CWF19L2: variants seen among roughly 807,000 people sequenced by gnomAD.
CWF19L2 encodes the protein CWF19 like cell cycle control factor 2, also known as CWF19-like protein 2.
CWF19L2 carries 98 observed loss-of-function variants against 111.7 expected under a neutral mutation model. That is an observed-to-expected ratio of 0.88 (90% CI 0.75 to 1.04). The LOEUF (loss-of-function observed/expected upper bound fraction) is 1.04, where lower values mean the gene tolerates loss of function less well. CWF19L2 is among the 50% of genes least tolerant of loss of function. The pLI is 0.00. For synonymous variants in CWF19L2, 351 were observed against 342.9 expected (o/e 1.02, Z -0.26); for missense variants, 1,101 against 1,051.4 (o/e 1.05, Z -0.65).
At chr11:107,449,848 A>G (rs1013124744) in intron 3 of CWF19L2, among the ~76,000 whole-genome samples, 5 of 152,150 alleles carry the variant, frequency 3.3e-5, no homozygotes, top group Non-Finnish European at 5.9e-5. Context: ...AAACTCATCC[A>G]TATCAATTAT....
chr11:107,429,932 C>T (rs1861441219), intron 7 of CWF19L2, among the ~76,000 whole-genome samples: 1 of 151,382 alleles, frequency 6.6e-6, no homozygotes, highest in African/African-American at 2.4e-5. Context: ...ACTAAATTAA[C>T]CTGGGAATTC....
rs184773793 is a variant in CWF19L2, at chr11:107,381,714, T to C, written c.1872+8360A>G. Among the ~76,000 whole-genome samples, 9 of 152,242 alleles carry C rather than the reference T, an allele frequency of 5.9e-5. No individual in the cohort carries two copies. The East Asian group carries it at 1.5e-3, about 26-fold the overall frequency. On this transcript the variant is annotated intron_variant, in intron 12 of 17. Transcript: ENST00000282251. ...GTATATCACTTAATCTCTCAAAATC[T>C]GATATTAGTAGTTTACTGAGAATAA...
chr11:107,382,221 C>A, intron 12 of CWF19L2, among the ~76,000 whole-genome samples: 1 of 152,012 alleles, frequency 6.6e-6, no homozygotes, highest in South Asian at 2.1e-4. Context: ...CTTATTATTC[C>A]CAAATAGCAA....
chr11:107,427,708 G>GA (rs1373939724), intron 8 of CWF19L2, among the ~76,000 whole-genome samples: 1 of 152,106 alleles, frequency 6.6e-6, no homozygotes, highest in African/African-American at 2.4e-5. Context: ...CTGGAGTGAA[G>GA]ACTGGACAAT....
intron 8 of CWF19L2, among the ~76,000 whole-genome samples, chr11:107,428,572 G>A (rs1565280115): frequency 7.1e-6 from 1 of 141,256 alleles, no homozygotes; most frequent in Non-Finnish European, 1.6e-5. Flanking sequence ...AACATATTTT[G>A]AACAAATATA....
At chr11:107,330,632 A>ACAC (rs1316703277) in intron 16 of CWF19L2, among the ~76,000 whole-genome samples, 1 of 133,012 alleles carries the variant, frequency 7.5e-6, no homozygotes, top group African/African-American at 3.0e-5. Context: ...CTCTCTACAC[A>ACAC]CACCCCCCCC....
At chr11:107,346,922 A>G (rs984206138) in intron 14 of CWF19L2, among the ~76,000 whole-genome samples, 4 of 152,174 alleles carry the variant, frequency 2.6e-5, no homozygotes, top group Admixed American at 6.5e-5. Flanking sequence ...TAAAGGTACT[A>G]ACATTGGCTA....
At chr11:107,339,797 A>G (rs1859980390) in intron 14 of CWF19L2, among the ~76,000 whole-genome samples, 1 of 151,192 alleles carries the variant, frequency 6.6e-6, no homozygotes, top group Admixed American at 6.6e-5. Flanking sequence ...CCCCCACAAC[A>G]GCTGGGATTA....
chr11:107,332,328 T>C (rs1327383894), intron 16 of CWF19L2, among the ~76,000 whole-genome samples: 1 of 152,210 alleles, frequency 6.6e-6, no homozygotes. Flanking sequence ...CTTATTATCA[T>C]GCAATTCCTC....
chr11:107,374,271 G>A lies in CWF19L2; in HGVS notation c.1872+15803C>T, dbSNP rs1231321227. ...TTCAGATTCAGGAAATACAGAGAAC[G>A]CCACAAACATACTCCTCGAGAAGAG... On this transcript the variant is annotated intron_variant, in intron 12 of 17. Transcript: ENST00000282251. Among the ~76,000 whole-genome samples the A allele has an allele frequency of 1.2e-4, 15 of 127,670 alleles. 4 individuals are homozygous for A. The highest frequency in any genetic ancestry group is 4.5e-4 in the East Asian group (2 of 4,444). The allele number at this position is 127,670 out of a possible 152,430, so 83.8% of individuals were successfully genotyped here.
chr11:107,327,074 C>A, intron 17 of CWF19L2, 21 bp from the exon 18 acceptor site: 1 of 1,570,228 alleles, frequency 6.4e-7, no homozygotes, highest in Non-Finnish European at 8.6e-7. Flanking sequence ...AAGAGAAAAG[C>A]ACAAACACAA....
At chr11:107,380,274 A>T (rs1382262802) in intron 12 of CWF19L2, among the ~76,000 whole-genome samples, 2 of 152,200 alleles carry the variant, frequency 1.3e-5, no homozygotes, top group Non-Finnish European at 2.9e-5. Flanking sequence ...TTATTAAATC[A>T]AAATTTTAAT....
In CWF19L2 at chr11:107,455,710, A is replaced by C; in HGVS notation, c.172T>G (p.Trp58Gly). ...ELKRLRGEDT[W>G]MLPDVNERIE... ...CTCTCATTCACATCAGGTAGCATCC[A>C]TGTATCCTCACCCCGAAGTCGCTTA... The change falls in exon 2 of 18, where the codon TGG (tryptophan) becomes GGG (glycine). Residue 58 changes from tryptophan (W) to glycine (G), a missense_variant. Physicochemically the swap from Trp to Gly is radical, Grantham distance 184. Coordinates refer to ENST00000282251, the MANE Select transcript of CWF19L2 (RefSeq NM_152434.3). 1 of 1,551,362 alleles carries C rather than the reference A, an allele frequency of 6.4e-7. No homozygotes were observed. Among genetic ancestry groups the C allele is most frequent in the Non-Finnish European group, 8.7e-7 (1 of 1,146,782 alleles).
chr11:107,358,638 C>G (rs1034139107), intron 12 of CWF19L2, among the ~76,000 whole-genome samples: 2 of 152,132 alleles, frequency 1.3e-5, no homozygotes, highest in Non-Finnish European at 2.9e-5. Context: ...TATGAAATGT[C>G]GAGAACAGGG....
intron 14 of CWF19L2, among the ~76,000 whole-genome samples, chr11:107,338,898 T>C (rs934486519): frequency 1.3e-5 from 2 of 152,234 alleles, no homozygotes; most frequent in African/African-American, 4.8e-5. Flanking sequence ...TGTATCTTTA[T>C]AACAGAATGA....
chr11:107,358,288 A>C (rs1261578864), intron 12 of CWF19L2, among the ~76,000 whole-genome samples: 1 of 152,066 alleles, frequency 6.6e-6, no homozygotes, highest in Non-Finnish European at 1.5e-5. Context: ...CATTGGAAGA[A>C]GAACCATCTT....
chr11:107,398,881 A>C (rs1860961702), intron 10 of CWF19L2, among the ~76,000 whole-genome samples: 1 of 152,234 alleles, frequency 6.6e-6, no homozygotes, highest in African/African-American at 2.4e-5. Flanking sequence ...ACCTATCTTC[A>C]GCCTCCTCAA....
At chr11:107,335,229 CCAAT>C (rs1297649106) in intron 15 of CWF19L2, among the ~76,000 whole-genome samples, 2 of 152,064 alleles carry the variant, frequency 1.3e-5, no homozygotes, top group African/African-American at 2.4e-5. Flanking sequence ...CTTAATAAGA[CCAAT>C]CAATTTAATA....
At chr11:107,344,343 A>T (rs1419278058) in intron 14 of CWF19L2, among the ~76,000 whole-genome samples, 1 of 151,876 alleles carries the variant, frequency 6.6e-6, no homozygotes, top group Non-Finnish European at 1.5e-5. Flanking sequence ...ATTTTCCAGG[A>T]TTTTTTCTTT....
Sources: gnomAD v4.1 joint callset for allele counts (sites outside exome capture counted in the v4.1 genomes callset) on GRCh38, gnomAD v4.1.1 for gene constraint, MANE v1.5 for transcripts, NCBI Gene and HGNC (gene_info 2026-07-23, HGNC 2026-07-21) for gene names.